The following CNTN3 variants were observed in gnomAD, a reference collection of about 807,000 sequenced individuals.
CNTN3 encodes the protein contactin-3.
A neutral mutation model predicts 119.1 loss-of-function variants in CNTN3; 60 were observed. The observed-to-expected ratio is 0.50, with a 90% confidence interval of 0.41 to 0.62. The LOEUF (loss-of-function observed/expected upper bound fraction) is 0.62. Ranked by LOEUF, CNTN3 falls within the 20% of genes least tolerant of loss-of-function variation. The pLI is 0.00. For synonymous variants in CNTN3, 450 were observed against 438.7 expected, an observed-to-expected ratio of 1.03 and a Z score of -0.32; for missense variants, 1,101 against 1,242.4, an observed-to-expected ratio of 0.89 and a Z score of 1.71.
intron 1 of CNTN3, among the ~76,000 whole-genome samples, chr3:74,527,562 TC>T (rs1024571248): frequency 6.6e-6 from 1 of 151,930 alleles, no homozygotes; most frequent in Admixed American, 6.6e-5. Context: ...AAGCTGTTTT[TC>T]AATTGATTCC....
intron 20 of CNTN3, among the ~76,000 whole-genome samples, chr3:74,277,311 C>T (rs1701901820): frequency 6.6e-6 from 1 of 151,982 alleles, no homozygotes; most frequent in African/African-American, 2.4e-5. Context: ...AAAGACATAA[C>T]CAAACAAGAA....
At position 74,267,298 on chromosome 3, in the gene CNTN3, T is replaced by A. The variant is rs187786824; in HGVS notation, c.2785A>T (p.Met929Leu). 8.7e-6 allele frequency: 14 copies of A among 1,612,848 alleles called. No homozygotes were observed. The Admixed American group carries it at 1.0e-4, about 12-fold the overall frequency. Reference protein sequence around the residue: ...VLLNWEQVKAMENESEVTGYK... With the variant: ...VLLNWEQVKALENESEVTGYK... ...CCTGTTACTTCTGACTCATTCTCCA[T>A]GGCTTTAACTTGCTCCCAATTAAGT... Residue 929 changes from methionine (M) to leucine (L), a missense_variant, in exon 21 of 23, where the codon ATG becomes TTG. By Grantham distance (15) the Met-to-Leu change is conservative. Coordinates refer to ENST00000263665, the MANE Select transcript of CNTN3 (RefSeq NM_020872.3).
intron 4 of CNTN3, among the ~76,000 whole-genome samples, chr3:74,483,458 G>GA (rs966847922): frequency 1.2e-4 from 19 of 152,034 alleles, no homozygotes; most frequent in African/African-American, 4.1e-4. Flanking sequence ...TGCCAAGAAG[G>GA]AATGAATGGT....
intron 4 of CNTN3, among the ~76,000 whole-genome samples, chr3:74,454,751 T>A (rs1278807644): frequency 9.9e-5 from 15 of 152,248 alleles, no homozygotes; most frequent in African/African-American, 2.4e-5. Flanking sequence ...TAAAGGATTT[T>A]ATTTCTCCTT....
intron 5 of CNTN3, among the ~76,000 whole-genome samples, chr3:74,407,893 A>G (rs1320570417): frequency 6.6e-6 from 1 of 152,202 alleles, no homozygotes; most frequent in Non-Finnish European, 1.5e-5. Flanking sequence ...CATTTAAAGG[A>G]ACTGTGTTCT....
rs560590478 is a variant in CNTN3 at position 74,461,210 on chromosome 3, T to C, written c.358+25246A>G. ...TTGGGATAAACCCTATTTGAACAAT[T>C]TGGTCATGATGTATAAATCTTTTAA... On this transcript the variant is annotated intron_variant, in intron 4 of 22. Coordinates refer to ENST00000263665, the MANE Select transcript of CNTN3 (RefSeq NM_020872.3). 8.5e-4 allele frequency among the ~76,000 whole-genome samples: 129 copies of C among 152,080 alleles called. 1 individual carries two copies. The highest frequency in any genetic ancestry group is 8.4e-3 in the Admixed American group (128 of 15,234).
intron 20 of CNTN3, among the ~76,000 whole-genome samples, chr3:74,275,252 C>T (rs964762844): frequency 1.3e-5 from 2 of 152,130 alleles, no homozygotes; most frequent in African/African-American, 4.8e-5. Flanking sequence ...AAAACTTGCC[C>T]AGCCTTGCAA....
chr3:74,279,114 C>T (rs1185747610), intron 20 of CNTN3, among the ~76,000 whole-genome samples: 6 of 151,998 alleles, frequency 3.9e-5, no homozygotes, highest in Non-Finnish European at 5.9e-5. Flanking sequence ...AAACAGTACA[C>T]GTTGGTGTGG....
At chr3:74,581,474 T>C (rs547702247) in intron 1 of CNTN3, among the ~76,000 whole-genome samples, 1 of 152,290 alleles carries the variant, frequency 6.6e-6, no homozygotes, top group African/African-American at 2.4e-5. Context: ...AAATTAAAGA[T>C]AATCTAAATA....
At chr3:74,378,067 C>T (rs952549195) in intron 5 of CNTN3, among the ~76,000 whole-genome samples, 2 of 152,164 alleles carry the variant, frequency 1.3e-5, no homozygotes, top group African/African-American at 4.8e-5. Context: ...GTCTGACCTA[C>T]TTTAAAACAA....
chr3:74,437,560 C>T (rs1365816607), intron 4 of CNTN3, among the ~76,000 whole-genome samples: 2 of 152,164 alleles, frequency 1.3e-5, no homozygotes, highest in African/African-American at 2.4e-5. Flanking sequence ...ACAACAAAAA[C>T]TCTCCCTATT....
chr3:74,391,384 C>A (rs976503004), intron 5 of CNTN3, among the ~76,000 whole-genome samples: 1 of 152,004 alleles, frequency 6.6e-6, no homozygotes, highest in Admixed American at 6.6e-5. Flanking sequence ...AATTACATGA[C>A]CTTGAGCAAG....
At chr3:74,373,360 G>A (rs923051783) in intron 5 of CNTN3, among the ~76,000 whole-genome samples, 1 of 152,174 alleles carries the variant, frequency 6.6e-6, no homozygotes, top group African/African-American at 2.4e-5. Context: ...GTAAAGGAGG[G>A]AAAGCAATCT....
At chr3:74,485,787 C>T (rs1702845467) in intron 4 of CNTN3, among the ~76,000 whole-genome samples, 1 of 151,824 alleles carries the variant, frequency 6.6e-6, no homozygotes, top group Non-Finnish European at 1.5e-5. Flanking sequence ...TAAATTGAGC[C>T]TCTGGGTCCA....
chr3:74,437,760 TC>T (rs1263351452), intron 4 of CNTN3, among the ~76,000 whole-genome samples: 1 of 152,080 alleles, frequency 6.6e-6, no homozygotes, highest in East Asian at 1.9e-4. Flanking sequence ...CACTTTTTTT[TC>T]CCATTTTTGT....
chr3:74,340,882 G>T (rs1703518268), intron 11 of CNTN3, among the ~76,000 whole-genome samples: 1 of 152,052 alleles, frequency 6.6e-6, no homozygotes. Flanking sequence ...GTAATTTCAG[G>T]TATCTTCTAT....
intron 4 of CNTN3, among the ~76,000 whole-genome samples, chr3:74,464,397 T>C (rs1439527480): frequency 6.6e-6 from 1 of 152,178 alleles, no homozygotes; most frequent in African/African-American, 2.4e-5. Context: ...TTCTTTTTTG[T>C]TGAAATACTT....
At chr3:74,387,701 C>T (rs1017446223) in intron 5 of CNTN3, among the ~76,000 whole-genome samples, 1 of 152,144 alleles carries the variant, frequency 6.6e-6, no homozygotes, top group East Asian at 1.9e-4. Context: ...AATCTTAAGT[C>T]GTGGAAATAT....
intron 1 of CNTN3, among the ~76,000 whole-genome samples, chr3:74,600,210 G>A (rs1297425862): frequency 6.6e-6 from 1 of 151,960 alleles, no homozygotes; most frequent in African/African-American, 2.4e-5. Flanking sequence ...AAAGGTTTAA[G>A]GTGAATAGGG....
Sources: allele counts gnomAD v4.1 joint callset (sites outside exome capture counted in the v4.1 genomes callset), GRCh38; gene constraint gnomAD v4.1.1; transcripts MANE v1.5; gene names NCBI Gene and HGNC (gene_info 2026-07-23, HGNC 2026-07-21).